ZNF768: variants seen among roughly 807,000 people sequenced by gnomAD.
ZNF768 encodes zinc finger protein 768.
ZNF768 carries 12 observed loss-of-function variants against 39.7 expected under a neutral mutation model. That is an observed-to-expected ratio of 0.30 (90% CI 0.19 to 0.49). The LOEUF (loss-of-function observed/expected upper bound fraction) is 0.49, where lower values mean the gene tolerates loss of function less well. ZNF768 is among the 20% of genes least tolerant of loss of function. The pLI, the probability that ZNF768 is intolerant of heterozygous loss-of-function variation, is 0.99. For synonymous variants in ZNF768, 360 were observed against 288.4 expected, an observed-to-expected ratio of 1.25 and a Z score of -2.52; for missense variants, 613 against 723.2, an observed-to-expected ratio of 0.85 and a Z score of 1.75.
At chr16:30,530,507 A>G (rs991539254), upstream of ZNF768, 2 of 152,138 alleles carry the variant, frequency 1.3e-5, no homozygotes, top group Non-Finnish European at 2.9e-5. This position sits in a 1 kb window ranked among gnomAD's most constrained non-coding sequence, Gnocchi z 4.4. Context: ...TGAGATGTAC[A>G]CTGGAAATTA....
At chr16:30,526,291 C>T (rs1330888306) in intron 1 of ZNF768, 35 bp downstream of exon 1, 3 of 1,608,242 alleles carry the variant, frequency 1.9e-6, no homozygotes, top group Admixed American at 1.7e-5. Context: ...CTCCTGCGCG[C>T]AAGTCCACTC....
chr16:30,527,397 A>C, upstream of ZNF768: 1 of 880,516 alleles, frequency 1.1e-6, no homozygotes, highest in Non-Finnish European at 1.4e-6. Context: ...CCAGAGGCAC[A>C]GCTTCTCCGC....
chr16:30,527,303 A>G (rs2051336463), upstream of ZNF768: 1 of 985,478 alleles, frequency 1.0e-6, no homozygotes, highest in African/African-American at 1.7e-5. Context: ...GCCCCCACCC[A>G]GCTCGGCTCC....
upstream of ZNF768, among the ~76,000 whole-genome samples, chr16:30,528,528 T>G (rs2151216404): frequency 6.6e-6 from 1 of 152,296 alleles, no homozygotes; most frequent in South Asian, 2.1e-4. Context: ...CACTCTAGTC[T>G]GGGTGACAGA....
At chr16:30,527,166 G>A, upstream of ZNF768, 1 of 985,416 alleles carries the variant, frequency 1.0e-6, no homozygotes, top group Non-Finnish European at 1.2e-6. Flanking sequence ...GGGCCTCCGG[G>A]TCAGCTCCGG....
upstream of ZNF768, chr16:30,527,080 A>G (rs2051334524): frequency 1.0e-6 from 1 of 985,172 alleles, no homozygotes; most frequent in African/African-American, 1.7e-5. Flanking sequence ...CGAGGCGACA[A>G]GCGAGACCAA....
upstream of ZNF768, chr16:30,528,148 T>G (rs1376361470): frequency 3.3e-5 from 5 of 151,838 alleles, no homozygotes; most frequent in Non-Finnish European, 5.9e-5. Context: ...CCCAGACAAA[T>G]GAAGGGAAGA....
chr16:30,525,437 G>A lies in ZNF768; in HGVS notation c.703C>T (p.Pro235Ser), dbSNP rs546832648. 4.5e-5 allele frequency: 73 copies of A among 1,614,134 alleles called. 1 individual carries two copies. The highest frequency in any genetic ancestry group is 8.3e-5 in the Admixed American group (5 of 60,036). Residue 235 changes from proline (P) to serine (S), a missense_variant, in exon 2 of 2, where the codon CCC becomes TCC. Pro to Ser is a moderately conservative substitution (Grantham distance 74). This residue lies in a region of ZNF768 where 347 missense variants were observed against 326.1 expected (regional missense o/e 1.06). Transcript: ENST00000380412. ...CGAAGGGCTCCTGTGAGACCCAGGG[G>A]ATTCTGAAGCATCTCAAACTGCGGT... is the stretch of plus-strand genomic sequence containing the variant. ...STPQFEMLQNPLGLTGALRGP... is the reference protein window; with the variant it reads ...STPQFEMLQNSLGLTGALRGP...
At chr16:30,530,128 C>T (rs1481493676), upstream of ZNF768, among the ~76,000 whole-genome samples, 7 of 152,102 alleles carry the variant, frequency 4.6e-5, no homozygotes, top group East Asian at 7.7e-4. This position sits in a 1 kb window ranked among gnomAD's most constrained non-coding sequence, Gnocchi z 4.4. Context: ...CACGCCCGGC[C>T]GAGAATAGCT....
At position 30,525,931 on chromosome 16, in the gene ZNF768, G is replaced by A; in HGVS notation, c.209C>T (p.Pro70Leu). ...TCTGGGGCTTTGGGGTTCAAACTCTGGGCTTTGTGGCTCAAACCCAGGGCT... is the reference window on the plus strand; with the variant it reads ...TCTGGGGCTTTGGGGTTCAAACTCTAGGCTTTGTGGCTCAAACCCAGGGCT... ...PQSPGFEPQSPEFEPQSPRFE... is the reference protein window; with the variant it reads ...PQSPGFEPQSLEFEPQSPRFE... Residue 70 changes from proline (P) to leucine (L), a missense_variant, in exon 2 of 2, where the codon CCA becomes CTA. Pro to Leu is a moderately conservative substitution (Grantham distance 98). Around this residue, in one of 4 missense-constraint regions of ZNF768, gnomAD observed 347 missense variants for 326.1 expected, o/e 1.06. Coordinates refer to ENST00000380412, the MANE Select transcript of ZNF768 (RefSeq NM_024671.4). 1 of 1,515,382 alleles carries A rather than the reference G, an allele frequency of 6.6e-7. No individual in the cohort carries two copies. Among genetic ancestry groups the A allele is most frequent in the South Asian group, 1.4e-5 (1 of 73,204 alleles). The allele number at this position is 1,515,382 out of a possible 1,614,324, so 93.9% of individuals were successfully genotyped here.
chr16:30,531,525 C>T, upstream of ZNF768: 1 of 152,218 alleles, frequency 6.6e-6, no homozygotes, highest in East Asian at 1.9e-4. Flanking sequence ...TGCAGTGGCT[C>T]CCCTGTAATC....
chr16:30,524,327 C>CAGGA lies in ZNF768; in HGVS notation c.*189_*190insTCCT. ...TCTCCCAGGGCCTCCCGCTGCCGGC[C>CAGGA]TGGCCTCCCTCCAACCCACTTCCCA... On this transcript the variant is annotated 3_prime_UTR_variant, in exon 2 of 2. Transcript: ENST00000380412. 1 of 966,182 alleles carries CAGGA rather than the reference C, an allele frequency of 1.0e-6. No homozygotes were observed. The highest frequency in any genetic ancestry group is 1.5e-6 in the Non-Finnish European group (1 of 683,392). The allele number at this position is 966,182 out of a possible 1,614,324, so 59.9% of individuals were successfully genotyped here.
chr16:30,526,146 G>T, intron 1 of ZNF768, 95 bp from the exon 2 acceptor site: 1 of 1,489,570 alleles, frequency 6.7e-7, no homozygotes, highest in Middle Eastern at 1.8e-4. Flanking sequence ...AGGGTCGCTG[G>T]CCCCTAGACA....
At chr16:30,530,062 C>T (rs2051356594), upstream of ZNF768, among the ~76,000 whole-genome samples, 1 of 152,020 alleles carries the variant, frequency 6.6e-6, no homozygotes, top group African/African-American at 2.4e-5. This position sits in a 1 kb window ranked among gnomAD's most constrained non-coding sequence, Gnocchi z 4.4. Flanking sequence ...GTCTCCTGAC[C>T]TTGCGATCCG....
Position 30,525,864 on chromosome 16 carries a change from C to A in ZNF768, c.276G>T (p.Gly92=). The A allele has an allele frequency of 6.6e-7, 1 of 1,522,410 alleles. No individual in the cohort carries two copies. The highest frequency in any genetic ancestry group is 8.8e-7 in the Non-Finnish European group (1 of 1,139,266). The allele number at this position is 1,522,410 out of a possible 1,614,324, so 94.3% of individuals were successfully genotyped here. A position where few individuals can be genotyped will look rare whatever the true frequency, so the allele number is the denominator to read the frequency against. Residue 92 remains glycine, a synonymous_variant, in exon 2 of 2, where the codon GGG becomes GGT. Transcript: ENST00000380412. ...CAAACTCAGGGCTTGGGGGCACAAGCCCAGGGCTTCGGGACTCAAACCCCG... is the reference window on the plus strand; with the variant it reads ...CAAACTCAGGGCTTGGGGGCACAAGACCAGGGCTTCGGGACTCAAACCCCG... The part of the protein sequence containing the change: ...ESPGFESRSP[G]LVPPSPEFAP...
chr16:30,526,079 T>A (rs773854756), intron 1 of ZNF768, 28 bp from the exon 2 acceptor site: 1 of 1,494,854 alleles, frequency 6.7e-7, no homozygotes, highest in Non-Finnish European at 8.9e-7. Context: ...CCAGATCGTG[T>A]GAGACCTGGA....
rs759074238 is a variant in ZNF768 at position 30,526,332 on chromosome 16, G to C, written c.82C>G (p.Leu28Val). 1.2e-6 allele frequency: 2 copies of C among 1,609,076 alleles called. No individual in the cohort carries two copies. Among genetic ancestry groups the C allele is most frequent in the African/African-American group, 2.7e-5 (2 of 74,354 alleles). The change falls in exon 1 of 2, where the codon CTC becomes GTC. Residue 28 changes from leucine (L) to valine (V), a missense_variant. By Grantham distance (32) the Leu-to-Val change is conservative. Transcript: ENST00000380412. Reference sequence around the variant, plus strand: ...ACGGGCGCTCCCTCCTCACCTCTGAGGTACCCTTCGGGGCTCCTCATTTCG... The same window carrying C: ...ACGGGCGCTCCCTCCTCACCTCTGACGTACCCTTCGGGGCTCCTCATTTCG... ...SDEMRSPEGY[L>V]RGNMSENEEE...
At chr16:30,531,268 G>A (rs2051370096), upstream of ZNF768, 1 of 152,196 alleles carries the variant, frequency 6.6e-6, no homozygotes, top group African/African-American at 2.4e-5. Context: ...TGGGAGTTCT[G>A]GCTCCGGCCC....
Position 30,525,367 on chromosome 16 carries a change from G to C in ZNF768, c.773C>G (p.Pro258Arg). ...GCAGATGCCACAGATGTTAGGCCGA[G>C]GGCCCTGCCCACCCCTGGCCCGGCC... ...RGGRARGGQG[P>R]RPNICGICGK... Residue 258 changes from proline (P) to arginine (R), a missense_variant, in exon 2 of 2, where the codon CCT (proline) becomes CGT (arginine). This residue lies in a region of ZNF768 where 347 missense variants were observed against 326.1 expected (regional missense o/e 1.06). Coordinates refer to ENST00000380412, the MANE Select transcript of ZNF768 (RefSeq NM_024671.4). 6.2e-7 allele frequency: 1 copy of C among 1,614,112 alleles called. No homozygotes were observed. The highest frequency in any genetic ancestry group is 1.3e-5 in the African/African-American group (1 of 75,070).
Sources: gnomAD v4.1 joint callset for allele counts (sites outside exome capture counted in the v4.1 genomes callset) on GRCh38, gnomAD v4.1.1 for gene constraint, gnomAD v4.1.1 regional missense constraint, Gnocchi (gnomAD v3.1) non-coding constraint, MANE v1.5 for transcripts, NCBI Gene and HGNC (gene_info 2026-07-23, HGNC 2026-07-21) for gene names.